Variants in PTPRD observed in about 807,000 individuals in gnomAD.
The protein encoded by PTPRD is protein tyrosine phosphatase receptor type D.
In PTPRD, 34 loss-of-function variants were observed where a neutral mutation model predicts 214.5. The observed-to-expected ratio is 0.16, with a 90% confidence interval of 0.12 to 0.21. PTPRD has a LOEUF of 0.21. PTPRD is among the 10% of genes least tolerant of loss of function. The probability of loss-of-function intolerance (pLI) is 1.00; values close to 1 mark genes in which losing one functional copy is unlikely to be tolerated. For synonymous variants in PTPRD, 1,128 were observed against 845.7 expected (o/e 1.33, Z -5.79); for missense variants, 2,545 against 2,398.7 (o/e 1.06, Z -1.27).
intron 8 of PTPRD, among the ~76,000 whole-genome samples, chr9:9,452,249 GAAT>G (rs772272031): frequency 3.5e-4 from 53 of 151,474 alleles, no homozygotes; most frequent in Non-Finnish European, 7.3e-4. Context: ...ATTGACAATA[GAAT>G]AATATTTTCA....
intron 14 of PTPRD, among the ~76,000 whole-genome samples, chr9:8,533,508 T>C (rs1050253886): frequency 2.6e-5 from 4 of 152,016 alleles, no homozygotes; most frequent in African/African-American, 7.2e-5. Flanking sequence ...TAGATATTAT[T>C]GACAATACAG....
At chr9:8,949,805 T>G (rs1214661790) in intron 11 of PTPRD, among the ~76,000 whole-genome samples, 1 of 152,196 alleles carries the variant, frequency 6.6e-6, no homozygotes, top group Non-Finnish European at 1.5e-5. Flanking sequence ...TTTTTAAAAT[T>G]ATAGCATAAA....
chr9:10,205,414 C>G (rs1371783515), intron 3 of PTPRD, among the ~76,000 whole-genome samples: 3 of 144,602 alleles, frequency 2.1e-5, no homozygotes, highest in Non-Finnish European at 4.5e-5. Flanking sequence ...TTATTTTACT[C>G]TATTTTCCTG....
chr9:9,082,203 C>T (rs922242981), intron 10 of PTPRD, among the ~76,000 whole-genome samples: 3 of 152,140 alleles, frequency 2.0e-5, no homozygotes, highest in African/African-American at 7.2e-5. Flanking sequence ...ATGCAAAAAT[C>T]CTCAATAAAA....
intron 11 of PTPRD, among the ~76,000 whole-genome samples, chr9:8,799,444 T>C (rs772671674): frequency 3.3e-5 from 5 of 152,188 alleles, no homozygotes; most frequent in African/African-American, 9.6e-5. Flanking sequence ...GTTTGGAAGA[T>C]ATAAGCACTA....
rs150312961 is a variant in PTPRD at position 10,412,633 on chromosome 9, AACACACACACAC to A, written c.-599-71628_-599-71617del. On this transcript the variant is annotated intron_variant, in intron 2 of 45. Transcript: ENST00000381196. Reference sequence around the variant, plus strand: ...ACACACGCACGCACACACACACACAAACACACACACACACACACACACACACACACACCCCTT... The same window carrying A: ...ACACACGCACGCACACACACACACAAACACACACACACACACACACCCCTT... Among the ~76,000 whole-genome samples the A allele has an allele frequency of 1.8e-4, 26 of 147,754 alleles. 1 individual carries two copies. Among genetic ancestry groups the A allele is most frequent in the East Asian group, 2.0e-4 (1 of 4,908 alleles).
intron 9 of PTPRD, among the ~76,000 whole-genome samples, chr9:9,263,540 A>G (rs2099981055): frequency 6.6e-6 from 1 of 151,680 alleles, no homozygotes; most frequent in Non-Finnish European, 1.5e-5. Flanking sequence ...AACTTCATGA[A>G]AGCATTATAT....
chr9:8,352,575 T>C (rs2075814408), intron 39 of PTPRD, among the ~76,000 whole-genome samples: 1 of 152,122 alleles, frequency 6.6e-6, no homozygotes. Flanking sequence ...TACAATCACA[T>C]GGACTACGTA....
At chr9:9,604,940 G>C (rs557481871) in intron 7 of PTPRD, among the ~76,000 whole-genome samples, 89 of 152,032 alleles carry the variant, frequency 5.9e-4, no homozygotes, top group African/African-American at 2.1e-3. Context: ...ATTTTAACAG[G>C]AGGTGGTCCC....
At chr9:10,457,505 C>A (rs1256874211) in intron 2 of PTPRD, among the ~76,000 whole-genome samples, 1 of 151,950 alleles carries the variant, frequency 6.6e-6, no homozygotes, top group African/African-American at 2.4e-5. Context: ...TAAGAATACA[C>A]CACACTTCAT....
At chr9:10,123,906 T>A (rs2098795989) in intron 3 of PTPRD, among the ~76,000 whole-genome samples, 1 of 152,202 alleles carries the variant, frequency 6.6e-6, no homozygotes, top group Admixed American at 6.5e-5. Context: ...GGTGAATGTT[T>A]GTGGACTTAA....
chr9:9,456,223 GTTCAATGAA>G (rs544354493), intron 8 of PTPRD, among the ~76,000 whole-genome samples: 3 of 151,706 alleles, frequency 2.0e-5, no homozygotes, highest in Non-Finnish European at 4.4e-5. Context: ...CATCTCTGTA[GTTCAATGAA>G]ACAATAAACT....
chr9:9,767,730 A>AT (rs2098718337), intron 5 of PTPRD, among the ~76,000 whole-genome samples: 1 of 152,066 alleles, frequency 6.6e-6, no homozygotes, highest in Non-Finnish European at 1.5e-5. Flanking sequence ...TTGGAGTAAA[A>AT]TTTTTTGCTA....
At chr9:9,591,488 T>G (rs77270305) in intron 7 of PTPRD, among the ~76,000 whole-genome samples, 3,154 of 152,056 alleles carry the variant, frequency 0.021, 112 homozygotes, top group African/African-American at 0.072. Context: ...GAGGACCCAG[T>G]TGAGCTGCAC....
Position 10,006,621 on chromosome 9 carries a change from G to A in PTPRD, c.-472+27097C>T, listed in dbSNP as rs116559397. On this transcript the variant is annotated intron_variant, in intron 4 of 45. Coordinates refer to ENST00000381196, the MANE Select transcript of PTPRD (RefSeq NM_002839.4). ...TTGTTTCTTCAAATAACTGAGCAGGGTGTGTCCCTATGTCAGGTATTATTT... is the reference window on the plus strand; with the variant it reads ...TTGTTTCTTCAAATAACTGAGCAGGATGTGTCCCTATGTCAGGTATTATTT... Among the ~76,000 whole-genome samples, 927 of 151,986 alleles carry A rather than the reference G, an allele frequency of 6.1e-3. 8 individuals are homozygous for A. Among genetic ancestry groups the A allele is most frequent in the African/African-American group, 0.021 (861 of 41,494 alleles).
chr9:9,494,748 T>C (rs7864303), intron 8 of PTPRD, among the ~76,000 whole-genome samples: 76,491 of 152,046 alleles, frequency 0.5, 20,071 homozygotes, highest in East Asian at 0.64. Context: ...CAAAGTGATC[T>C]ATAGATTCAA....
intron 44 of PTPRD, among the ~76,000 whole-genome samples, chr9:8,325,126 C>A (rs1229215384): frequency 6.7e-6 from 1 of 149,180 alleles, no homozygotes; most frequent in Non-Finnish European, 1.5e-5. Context: ...CCACTTTTGG[C>A]TTTAGTTGCC....
chr9:9,098,649 A>T (rs781205529), intron 10 of PTPRD, among the ~76,000 whole-genome samples: 3 of 152,226 alleles, frequency 2.0e-5, no homozygotes, highest in Non-Finnish European at 2.9e-5. Context: ...AATAATCATT[A>T]CAAGTATGTT....
chr9:9,542,340 C>T (rs74721413), intron 8 of PTPRD, among the ~76,000 whole-genome samples: 4,651 of 151,420 alleles, frequency 0.031, 108 homozygotes, highest in African/African-American at 0.053. Flanking sequence ...TGGACCTGTA[C>T]GAAAAATTAA....
Sources: gnomAD v4.1 joint callset for allele counts (sites outside exome capture counted in the v4.1 genomes callset) on GRCh38, gnomAD v4.1.1 for gene constraint, MANE v1.5 for transcripts, NCBI Gene and HGNC (gene_info 2026-07-23, HGNC 2026-07-21) for gene names.